Variants in AK9 observed in about 807,000 individuals in gnomAD.
AK9 encodes adenylate kinase domain containing 1.
A neutral mutation model predicts 239.6 loss-of-function variants in AK9; 191 were observed. The observed-to-expected ratio is 0.80, with a 90% CI of 0.71 to 0.90. The LOEUF is 0.90. AK9 is among the 40% of genes least tolerant of loss of function. AK9 has a pLI of 0.00. For synonymous variants in AK9, 689 were observed against 721.0 expected, an observed-to-expected ratio of 0.96 and a Z score of 0.71; for missense variants, 1,995 against 2,214.7, an observed-to-expected ratio of 0.90 and a Z score of 1.99.
intron 33 of AK9, 64 bp downstream of exon 33, chr6:109,509,115 C>G (rs749010860): frequency 4.1e-6 from 6 of 1,450,380 alleles, no homozygotes; most frequent in East Asian, 2.5e-5. Flanking sequence ...TTTTAAATCA[C>G]GAGCGAGCAG....
intron 21 of AK9, among the ~76,000 whole-genome samples, chr6:109,570,128 T>C (rs1787206617): frequency 6.6e-6 from 1 of 152,138 alleles, no homozygotes; most frequent in Non-Finnish European, 1.5e-5. Flanking sequence ...ATGTGCTTTG[T>C]AGGGACATGG....
At chr6:109,587,649 C>T (rs953786428) in intron 17 of AK9, among the ~76,000 whole-genome samples, 19 of 152,274 alleles carry the variant, frequency 1.2e-4, no homozygotes, top group African/African-American at 4.1e-4. Context: ...ATAATGGCCT[C>T]CAGTTCCATC....
intron 1 of AK9, among the ~76,000 whole-genome samples, chr6:109,680,257 T>A (rs1364397328): frequency 6.6e-6 from 1 of 152,022 alleles, no homozygotes; most frequent in Non-Finnish European, 1.5e-5. Flanking sequence ...GAGAAGAACA[T>A]AAATGACCTG....
intron 21 of AK9, among the ~76,000 whole-genome samples, chr6:109,570,437 A>AT (rs1248063565): frequency 2.6e-5 from 4 of 152,120 alleles, no homozygotes; most frequent in Non-Finnish European, 5.9e-5. Flanking sequence ...TATAATAATA[A>AT]TAAAAAAAAG....
In AK9 at chr6:109,528,992, A is replaced by C. The variant is rs775657752; in HGVS notation, c.3633+19T>G. ...ACAGAGTGAGACCCTGTTTTGAAAA[A>C]AAAAACAAAACTACTTACCTCCCTC... On this transcript the variant is annotated intron_variant, in intron 29 of 40. Transcript: ENST00000424296. 7.8e-6 allele frequency: 12 copies of C among 1,546,680 alleles called. No individual in the cohort carries two copies. The highest frequency in any genetic ancestry group is 3.5e-4 in the Middle Eastern group (2 of 5,782).
intron 5 of AK9, among the ~76,000 whole-genome samples, chr6:109,665,536 G>C (rs763506023): frequency 6.6e-6 from 1 of 152,314 alleles, no homozygotes; most frequent in Middle Eastern, 3.4e-3. Flanking sequence ...GCTCTTGTGA[G>C]TCTAGCTTCC....
At chr6:109,528,419 G>A (rs892101668) in intron 29 of AK9, 1 of 382,750 alleles carries the variant, frequency 2.6e-6, no homozygotes, top group Non-Finnish European at 5.2e-6. Flanking sequence ...CTCAATTAAT[G>A]TTTGCTGATG....
chr6:109,530,722 A>G (rs1332938149), intron 28 of AK9, among the ~76,000 whole-genome samples: 2 of 152,198 alleles, frequency 1.3e-5, no homozygotes, highest in Admixed American at 6.5e-5. Context: ...TGCTCAAAAC[A>G]TATCTGCAAG....
Position 109,585,912 on chromosome 6 carries a change from C to A in AK9, c.1999+4G>T, listed in dbSNP as rs773236930. On this transcript the variant is annotated splice_donor_region_variant and intron_variant, in intron 18 of 40. Transcript: ENST00000424296. ...TCAAATTTACATAATAAATATTTAC[C>A]AACCATTGTTTTCTGTATCTGATAA... 9 of 1,520,868 alleles carry A rather than the reference C, an allele frequency of 5.9e-6. No homozygotes were observed. Among genetic ancestry groups the A allele is most frequent in the Non-Finnish European group, 7.0e-6 (8 of 1,135,222 alleles). 94.2% of individuals were successfully genotyped at this position (1,520,868 alleles called of 1,614,324 possible).
intron 35 of AK9, among the ~76,000 whole-genome samples, chr6:109,504,988 C>T (rs945759278): frequency 3.3e-5 from 5 of 152,182 alleles, no homozygotes; most frequent in Admixed American, 2.0e-4. Context: ...GCACAGCTTT[C>T]GCTTTCAAAG....
At chr6:109,626,383 A>G (rs9400308) in intron 12 of AK9, among the ~76,000 whole-genome samples, 1 of 152,114 alleles carries the variant, frequency 6.6e-6, no homozygotes, top group African/African-American at 2.4e-5. Context: ...GTTTCATTAC[A>G]TGTTGGACAT....
At chr6:109,574,769 T>C (rs1562433537) in intron 20 of AK9, among the ~76,000 whole-genome samples, 1 of 152,036 alleles carries the variant, frequency 6.6e-6, no homozygotes, top group Non-Finnish European at 1.5e-5. Context: ...CATGGAAAAG[T>C]TCTTTGGTGG....
rs940665737 is a variant in AK9 at position 109,614,277 on chromosome 6, T to A, written c.1515A>T (p.Gln505His). The A allele has an allele frequency of 1.3e-6, 2 of 1,551,416 alleles. No homozygotes were observed. Among genetic ancestry groups the A allele is most frequent in the African/African-American group, 2.7e-5 (2 of 73,012 alleles). The change falls in exon 15 of 41, where the codon CAA (glutamine) becomes CAT (histidine). Residue 505 changes from glutamine to histidine, a missense_variant. Gln to His is a conservative substitution (Grantham distance 24). Around this residue, in one of 5 missense-constraint regions of AK9, gnomAD observed 1,290 missense variants for 1,392.7 expected, o/e 0.93. Coordinates refer to ENST00000424296, the MANE Select transcript of AK9 (RefSeq NM_001145128.3). ...IDEEGYIQGS[Q>H]RDRGSSLVDT... is the part of the protein sequence containing the mutation. ...CCACTAAAGAGCTGCCTCTGTCCCT[T>A]TGGGAGCCTTGAATGTACCCTGCAA...
intron 20 of AK9, among the ~76,000 whole-genome samples, chr6:109,577,251 AG>A (rs2128203149): frequency 6.6e-6 from 1 of 152,262 alleles, no homozygotes; most frequent in African/African-American, 2.4e-5. Flanking sequence ...GATGATCATA[AG>A]ATTTTTGTTT....
intron 5 of AK9, among the ~76,000 whole-genome samples, chr6:109,669,579 TGA>T (rs1801777021): frequency 6.6e-6 from 1 of 152,132 alleles, no homozygotes; most frequent in African/African-American, 2.4e-5. Flanking sequence ...CCTAATTTAT[TGA>T]GAGTTTTTAG....
rs538714726 is a variant in AK9, at chr6:109,582,385, G to C, written c.2114+2738C>G. ...CCATTAAGAACATTCATGATTTGTGGGAGGAGGTCAAAATATCCACATTAA... is the reference window on the plus strand; with the variant it reads ...CCATTAAGAACATTCATGATTTGTGCGAGGAGGTCAAAATATCCACATTAA... On this transcript the variant is annotated intron_variant, in intron 19 of 40. Transcript: ENST00000424296. Among the ~76,000 whole-genome samples the C allele has an allele frequency of 6.2e-4, 94 of 152,288 alleles. 1 individual carries two copies. Among genetic ancestry groups the C allele is most frequent in the Admixed American group, 1.2e-3 (19 of 15,298 alleles).
intron 8 of AK9, among the ~76,000 whole-genome samples, chr6:109,648,894 T>C (rs1302553531): frequency 6.6e-6 from 1 of 152,320 alleles, no homozygotes; most frequent in East Asian, 1.9e-4. Flanking sequence ...TTATCCACCA[T>C]GATCAAGTGG....
chr6:109,493,594 G>C, intron 40 of AK9, 23 bp from the exon 41 acceptor site: 1 of 1,589,154 alleles, frequency 6.3e-7, no homozygotes, highest in South Asian at 1.1e-5. Flanking sequence ...TCACAGAACT[G>C]TGAATAATTT....
chr6:109,493,886 C>T, intron 40 of AK9, 95 bp downstream of exon 40: 2 of 914,854 alleles, frequency 2.2e-6, no homozygotes, highest in South Asian at 1.7e-5. Context: ...TCTCTCTCAC[C>T]AAGCAGGCAA....
Sources: allele counts gnomAD v4.1 joint callset (sites outside exome capture counted in the v4.1 genomes callset), GRCh38; gene constraint gnomAD v4.1.1; regional missense constraint gnomAD v4.1.1; transcripts MANE v1.5; gene names NCBI Gene and HGNC (gene_info 2026-07-23, HGNC 2026-07-21).